Variants in ZNF236 observed in about 807,000 individuals in gnomAD.
ZNF236 encodes regulated by glucose.
A neutral mutation model predicts 191.2 loss-of-function variants in ZNF236; 50 were observed. That is an observed-to-expected ratio of 0.26 (90% CI 0.21 to 0.33). The LOEUF (loss-of-function observed/expected upper bound fraction) is 0.33. ZNF236 is among the 10% of genes least tolerant of loss of function. ZNF236 has a pLI of 1.00. For missense variants in ZNF236, 1,754 were observed against 2,374.5 expected (o/e 0.74, Z 5.43); for synonymous variants, 907 against 928.8 (o/e 0.98, Z 0.43).
chr18:76,937,052 C>T, intron 25 of ZNF236, 104 bp from the exon 26 acceptor site: 2 of 1,038,364 alleles, frequency 1.9e-6, no homozygotes, highest in East Asian at 2.4e-5. Context: ...AGACCTCGGG[C>T]ATGAATGCTG....
chr18:76,919,646 C>A lies in ZNF236; in HGVS notation c.3275-130C>A. On this transcript the variant is annotated intron_variant, in intron 19 of 30. Coordinates refer to ENST00000320610, the MANE Select transcript of ZNF236 (RefSeq NM_001306089.2). The surrounding 1 kb of genome is among the most constrained non-coding windows in gnomAD (Gnocchi z 5.3). ...GGTGGGAAAATATAGCAACTCTCTA[C>A]CATCATAAAAATAGCTTGGTTGAGT... 1.8e-6 allele frequency: 2 copies of A among 1,124,956 alleles called. No individual in the cohort carries two copies. The highest frequency in any genetic ancestry group is 2.5e-6 in the Non-Finnish European group (2 of 797,680). The allele number at this position is 1,124,956 out of a possible 1,614,324, so 69.7% of individuals were successfully genotyped here.
intron 9 of ZNF236, among the ~76,000 whole-genome samples, chr18:76,883,253 G>A (rs1444979655): frequency 6.6e-6 from 1 of 151,942 alleles, no homozygotes; most frequent in Non-Finnish European, 1.5e-5. Context: ...GGTACTTTCT[G>A]GACTACTTGA....
intron 10 of ZNF236, among the ~76,000 whole-genome samples, chr18:76,896,501 C>G (rs915167194): frequency 3.3e-5 from 5 of 151,850 alleles, no homozygotes; most frequent in Non-Finnish European, 1.5e-5. Flanking sequence ...CAGTGCTGTA[C>G]CCACACAGGC....
intron 19 of ZNF236, among the ~76,000 whole-genome samples, chr18:76,917,789 C>T (rs956647887): frequency 6.6e-6 from 1 of 152,060 alleles, no homozygotes; most frequent in Admixed American, 6.6e-5. Flanking sequence ...TTGGTGGGGC[C>T]GCTATCTATA....
intron 1 of ZNF236, among the ~76,000 whole-genome samples, chr18:76,826,487 T>C (rs17055125): frequency 0.064 from 9,716 of 151,614 alleles, 1,020 homozygotes; most frequent in African/African-American, 0.22. Context: ...GATCTCCATT[T>C]GTGTCCAAAG....
intron 3 of ZNF236, among the ~76,000 whole-genome samples, chr18:76,865,093 TTGG>T (rs1976368806): frequency 1.3e-5 from 2 of 152,158 alleles, no homozygotes; most frequent in South Asian, 4.1e-4. Flanking sequence ...TCCCAGCACT[TTGG>T]GAGGCCGAGG....
chr18:76,886,243 A>T (rs919291445), intron 9 of ZNF236: 2 of 152,368 alleles, frequency 1.3e-5, no homozygotes, highest in South Asian at 2.1e-4. Context: ...GAAAGGATTC[A>T]TTGTTTCTTG....
chr18:76,833,548 C>G (rs1394975707), intron 1 of ZNF236, among the ~76,000 whole-genome samples: 2 of 152,060 alleles, frequency 1.3e-5, no homozygotes, highest in African/African-American at 4.8e-5. Flanking sequence ...TACAGGCAAA[C>G]TTGTTGCGAT....
At chr18:76,913,484 A>G (rs556393549) in intron 17 of ZNF236, among the ~76,000 whole-genome samples, 21 of 152,366 alleles carry the variant, frequency 1.4e-4, no homozygotes, top group African/African-American at 4.8e-4. Context: ...CTGGGGAGTT[A>G]TAGGATTTAC....
At chr18:76,904,688 T>A (rs1977691668) in intron 12 of ZNF236, among the ~76,000 whole-genome samples, 167 bp downstream of exon 12, 1 of 152,240 alleles carries the variant, frequency 6.6e-6, no homozygotes, top group African/African-American at 2.4e-5. Flanking sequence ...CTTTAATGTC[T>A]TGACTAAAAT....
intron 28 of ZNF236, among the ~76,000 whole-genome samples, chr18:76,958,164 C>T (rs945791265): frequency 3.9e-5 from 6 of 152,278 alleles, no homozygotes; most frequent in African/African-American, 9.6e-5. Flanking sequence ...AGAGCCAGGC[C>T]GACAGGTGTG....
chr18:76,960,560 G>A lies in ZNF236; in HGVS notation c.5243-119G>A. On this transcript the variant is annotated intron_variant, in intron 29 of 30. Transcript: ENST00000320610. This position sits in a 1 kb window ranked among gnomAD's most constrained non-coding sequence, Gnocchi z 4.4. ...CAGCCCTTTGTTCAGATGACAGCCA[G>A]GCTGAAAGCCTAAAAGAAAAGAGGA... The A allele has an allele frequency of 7.5e-7, 1 of 1,331,192 alleles. No individual in the cohort carries two copies. The highest frequency in any genetic ancestry group is 1.1e-6 in the Non-Finnish European group (1 of 945,072). 82.5% of individuals were successfully genotyped at this position (1,331,192 alleles called of 1,614,324 possible). A position where few individuals can be genotyped will look rare whatever the true frequency, so the allele number is the denominator to read the frequency against.
chr18:76,916,763 G>A (rs768553309), intron 19 of ZNF236, among the ~76,000 whole-genome samples: 19 of 152,332 alleles, frequency 1.2e-4, no homozygotes, highest in Non-Finnish European at 2.4e-4. Context: ...GCTCTTGCCT[G>A]TGCCGCGGCC....
Position 76,947,420 on chromosome 18 carries a change from C to T in ZNF236, c.4783-101C>T. ...CCACGGTTCACTTTTTGAGGAGCTA[C>T]CAGCTTGTTTTCCAAGGTAGCTGCA... On this transcript the variant is annotated intron_variant, in intron 26 of 30. Transcript: ENST00000320610. 5 of 1,415,480 alleles carry T rather than the reference C, an allele frequency of 3.5e-6. No individual in the cohort carries two copies. In the South Asian group the frequency reaches 4.1e-5, roughly 12 times the overall value. The allele number at this position is 1,415,480 out of a possible 1,614,324, so 87.7% of individuals were successfully genotyped here. A position where few individuals can be genotyped will look rare whatever the true frequency, so the allele number is the denominator to read the frequency against.
At chr18:76,873,147 TG>T (rs1976624506) in intron 5 of ZNF236, among the ~76,000 whole-genome samples, 1 of 152,180 alleles carries the variant, frequency 6.6e-6, no homozygotes, top group Non-Finnish European at 1.5e-5. Flanking sequence ...TTTTAATCAA[TG>T]AAAAAATAGT....
intron 11 of ZNF236, among the ~76,000 whole-genome samples, chr18:76,899,735 C>G (rs937906085): frequency 6.6e-6 from 1 of 152,152 alleles, no homozygotes; most frequent in Non-Finnish European, 1.5e-5. Flanking sequence ...AGAAAGAAAA[C>G]ACTGCTTGTT....
chr18:76,869,110 A>G (rs1306285955), intron 4 of ZNF236, among the ~76,000 whole-genome samples: 1 of 152,258 alleles, frequency 6.6e-6, no homozygotes, highest in Non-Finnish European at 1.5e-5. Flanking sequence ...AGAACAGGAT[A>G]CTGGCAATAC....
intron 25 of ZNF236, among the ~76,000 whole-genome samples, chr18:76,930,134 G>A (rs1967806826): frequency 6.6e-6 from 1 of 152,172 alleles, no homozygotes; most frequent in African/African-American, 2.4e-5. Flanking sequence ...GCATACTTTG[G>A]AGATTCATCC....
At chr18:76,901,814 C>T (rs1343739859) in intron 11 of ZNF236, among the ~76,000 whole-genome samples, 1 of 151,892 alleles carries the variant, frequency 6.6e-6, no homozygotes, top group East Asian at 1.9e-4. Flanking sequence ...TTCCTAGGAA[C>T]TATAATTGTT....
Sources: gnomAD v4.1 joint callset for allele counts (sites outside exome capture counted in the v4.1 genomes callset) on GRCh38, gnomAD v4.1.1 for gene constraint, Gnocchi (gnomAD v3.1) non-coding constraint, MANE v1.5 for transcripts, NCBI Gene and HGNC (gene_info 2026-07-23, HGNC 2026-07-21) for gene names.